Variants in COA1 observed in about 807,000 individuals in gnomAD.
COA1 encodes the protein cytochrome c oxidase assembly factor 1 homolog.
COA1 carries 13 observed loss-of-function variants against 16.0 expected under a neutral mutation model. That is an observed-to-expected ratio of 0.81 (90% confidence interval 0.53 to 1.29). COA1 has a LOEUF of 1.29. Among genes scored for constraint, COA1 ranks in the 50% most tolerant of loss-of-function variants. COA1 has a pLI of 0.00. For synonymous variants in COA1, 65 were observed against 65.7 expected (o/e 0.99, Z 0.05); for missense variants, 179 against 177.0 (o/e 1.01, Z -0.06).
At chr7:43,661,388 G>A (rs530004865) in intron 1 of COA1, among the ~76,000 whole-genome samples, 15 of 152,276 alleles carry the variant, frequency 9.9e-5, no homozygotes, top group Admixed American at 7.8e-4. Context: ...TGTAATCCCA[G>A]CACTTTGGGA....
chr7:43,722,513 C>T (rs1680702234), intron 1 of COA1, among the ~76,000 whole-genome samples: 1 of 152,218 alleles, frequency 6.6e-6, no homozygotes, highest in Non-Finnish European at 1.5e-5. Flanking sequence ...GATTCTTGTG[C>T]CTCGTACCAG....
chr7:43,626,755 T>C (rs957293755), intron 6 of COA1: 1 of 152,222 alleles, frequency 6.6e-6, no homozygotes, highest in African/African-American at 2.4e-5. Flanking sequence ...TTAAAAACCA[T>C]TTTATACTCG....
intron 1 of COA1, among the ~76,000 whole-genome samples, chr7:43,726,817 A>G (rs1266705627): frequency 6.6e-6 from 1 of 152,248 alleles, no homozygotes; most frequent in Non-Finnish European, 1.5e-5. Flanking sequence ...TAGAATATAT[A>G]AAGAACTCTT....
chr7:43,720,750 C>T (rs1479270746), intron 1 of COA1, among the ~76,000 whole-genome samples: 1 of 152,128 alleles, frequency 6.6e-6, no homozygotes, highest in Non-Finnish European at 1.5e-5. Context: ...CAGCCCCAGT[C>T]CCTAGGGAAG....
rs551194619 is a variant in COA1 at position 43,625,176 on chromosome 7, C to T, written c.*133+14273G>A. On this transcript the variant is annotated intron_variant and NMD_transcript_variant, in intron 6 of 6. Coordinates refer to the COA1 transcript ENST00000415076. ...CTTTAAAAAATCCAAGTAAAAGTGC[C>T]AAAACTACACTTCTGTAAATCTCTT... The T allele has an allele frequency of 1.2e-4, 25 of 201,708 alleles. No homozygotes were observed. The South Asian group carries it at 2.6e-3, about 21-fold the overall frequency. The allele number at this position is 201,708 out of a possible 1,614,324, so 12.5% of individuals were successfully genotyped here.
chr7:43,678,987 G>A (rs2093649168), intron 1 of COA1, among the ~76,000 whole-genome samples: 1 of 152,214 alleles, frequency 6.6e-6, no homozygotes, highest in Admixed American at 6.5e-5. Flanking sequence ...AAATTTATAA[G>A]TATCTTGAGG....
At chr7:43,661,328 G>T (rs1383702646) in intron 1 of COA1, among the ~76,000 whole-genome samples, 1 of 152,080 alleles carries the variant, frequency 6.6e-6, no homozygotes, top group Non-Finnish European at 1.5e-5. Flanking sequence ...TAAAGAGTGG[G>T]ATTCTACTAA....
intron 1 of COA1, among the ~76,000 whole-genome samples, chr7:43,700,570 A>G (rs1395058837): frequency 7.1e-6 from 1 of 140,848 alleles, no homozygotes; most frequent in African/African-American, 2.7e-5. Flanking sequence ...ATATATGTAC[A>G]CATATATACG....
At chr7:43,617,126 C>CCCAGCTTCATGGAGCCGGGGGAT (rs1289920267) in intron 6 of COA1, among the ~76,000 whole-genome samples, 3 of 151,874 alleles carry the variant, frequency 2.0e-5, no homozygotes, top group African/African-American at 7.3e-5. Context: ...TCCCGTGGGA[C>CCCAGCTTCATGGAGCCGGGGGAT]CCAGCTTCAT....
intron 1 of COA1, among the ~76,000 whole-genome samples, chr7:43,693,014 A>G (rs2094424263): frequency 6.6e-6 from 1 of 152,212 alleles, no homozygotes; most frequent in South Asian, 2.1e-4. Flanking sequence ...TCCAGGGGCT[A>G]GGACTGGGAA....
chr7:43,688,423 T>C (rs961380746), intron 1 of COA1, among the ~76,000 whole-genome samples: 2 of 152,208 alleles, frequency 1.3e-5, no homozygotes, highest in East Asian at 1.9e-4. Context: ...TTAAGTATTA[T>C]GTACCCTCAG....
chr7:43,620,831 G>T lies in COA1; in HGVS notation c.*134-11336C>A, dbSNP rs180965211. On this transcript the variant is annotated intron_variant and NMD_transcript_variant, in intron 6 of 6. Transcript: ENST00000415076. ...TGTCTGGGTCATGGACATCAGTGTGGAAGTCACCTAGGCTGCCAGCAGACC... is the reference window on the plus strand; with the variant it reads ...TGTCTGGGTCATGGACATCAGTGTGTAAGTCACCTAGGCTGCCAGCAGACC... Among the ~76,000 whole-genome samples, 9 of 152,324 alleles carry T rather than the reference G, an allele frequency of 5.9e-5. No homozygotes were observed. The East Asian group carries it at 1.7e-3, about 29-fold the overall frequency.
At chr7:43,663,699 A>C (rs2877247) in intron 1 of COA1, among the ~76,000 whole-genome samples, 70,974 of 133,110 alleles carry the variant, frequency 0.53, 19,759 homozygotes, top group South Asian at 0.62. Context: ...CACACACACA[A>C]AAAAAAACCT....
chr7:43,615,686 C>G (rs2083279983), intron 6 of COA1, among the ~76,000 whole-genome samples: 1 of 152,116 alleles, frequency 6.6e-6, no homozygotes, highest in African/African-American at 2.4e-5. Flanking sequence ...TCCTTTCCAA[C>G]CTCATGCCTC....
chr7:43,676,801 TA>T lies in COA1; in HGVS notation c.-38-28150del, dbSNP rs921702337. 1.7e-3 allele frequency among the ~76,000 whole-genome samples: 253 copies of T among 146,418 alleles called. 1 individual carries two copies. Among genetic ancestry groups the T allele is most frequent in the Middle Eastern group, 7.1e-3 (2 of 282 alleles). ...TATGTACAATTAATATGTGTCAATT[TA>T]AAAAAAAAAACTTCAGAACACATCC... On this transcript the variant is annotated intron_variant, in intron 1 of 5. Coordinates refer to ENST00000223336, the MANE Select transcript of COA1 (RefSeq NM_018224.4).
At chr7:43,648,714 C>A in intron 1 of COA1, 62 bp from the exon 2 acceptor site, 1 of 1,222,970 alleles carries the variant, frequency 8.2e-7, no homozygotes, top group Non-Finnish European at 1.2e-6. Context: ...TCTCTAGTCT[C>A]ATACAGCCAA....
chr7:43,663,697 CA>C (rs1373032481), intron 1 of COA1, among the ~76,000 whole-genome samples: 5 of 143,878 alleles, frequency 3.5e-5, no homozygotes, highest in African/African-American at 5.2e-5. Context: ...AACACACACA[CA>C]AAAAAAAACC....
intron 6 of COA1, among the ~76,000 whole-genome samples, chr7:43,633,899 G>T (rs1370060906): frequency 1.3e-5 from 2 of 151,962 alleles, no homozygotes; most frequent in Non-Finnish European, 2.9e-5. Flanking sequence ...AGGCCCACAG[G>T]TACCAATTGC....
At chr7:43,715,006 TA>T (rs755827781) in intron 1 of COA1, among the ~76,000 whole-genome samples, 27 of 95,780 alleles carry the variant, frequency 2.8e-4, no homozygotes, top group East Asian at 1.1e-3. Flanking sequence ...GCCTCTTGTC[TA>T]AAAAAAAAAA....
Sources: gnomAD v4.1 joint callset for allele counts (sites outside exome capture counted in the v4.1 genomes callset) on GRCh38, gnomAD v4.1.1 for gene constraint, MANE v1.5 for transcripts, NCBI Gene and HGNC (gene_info 2026-07-23, HGNC 2026-07-21) for gene names.